GRIN2B: variants seen among roughly 807,000 people sequenced by gnomAD.
GRIN2B encodes the protein glutamate receptor ionotropic, NMDA 2B.
GRIN2B carries 5 observed loss-of-function variants against 114.5 expected under a neutral mutation model. The observed-to-expected ratio is 0.04, with a 90% confidence interval of 0.02 to 0.09. The LOEUF (loss-of-function observed/expected upper bound fraction) is 0.09, where lower values mean the gene tolerates loss of function less well. Ranked by LOEUF, GRIN2B falls within the 10% of genes least tolerant of loss-of-function variation. The pLI, the probability that GRIN2B is intolerant of heterozygous loss-of-function variation, is 1.00. For missense variants in GRIN2B, 1,108 were observed against 1,943.5 expected (o/e 0.57, Z 8.08); for synonymous variants, 787 against 745.1 (o/e 1.06, Z -0.92).
chr12:13,887,323 T>C (rs1866180121), intron 2 of GRIN2B, among the ~76,000 whole-genome samples: 1 of 152,234 alleles, frequency 6.6e-6, no homozygotes, highest in African/African-American at 2.4e-5. Context: ...ATTATAAATG[T>C]ACATGCAGCT....
chr12:13,941,966 G>C (rs1218769855), intron 2 of GRIN2B, among the ~76,000 whole-genome samples: 4 of 152,200 alleles, frequency 2.6e-5, no homozygotes, highest in Non-Finnish European at 1.5e-5. Flanking sequence ...AAAGGTCAAA[G>C]TCGGTACAAA....
chr12:13,972,743 A>G (rs1308773728), intron 2 of GRIN2B, among the ~76,000 whole-genome samples: 3 of 152,246 alleles, frequency 2.0e-5, no homozygotes, highest in African/African-American at 7.2e-5. Flanking sequence ...CGAGGAGGAC[A>G]CGTAACCTCC....
intron 3 of GRIN2B, among the ~76,000 whole-genome samples, chr12:13,838,275 C>T (rs897870385): frequency 3.9e-5 from 6 of 152,136 alleles, no homozygotes; most frequent in South Asian, 2.1e-4. Context: ...AAAGCACCTG[C>T]GTGGTCCATT....
rs373296514 is a variant in GRIN2B at position 13,609,021 on chromosome 12, A to C, written c.1781-189T>G. ...TTCCAGGGACTCTCAGGAGGGCTGCAGAGGGTTCCTTAGGAGAAAAACCAG... is the reference window on the plus strand; with the variant it reads ...TTCCAGGGACTCTCAGGAGGGCTGCCGAGGGTTCCTTAGGAGAAAAACCAG... On this transcript the variant is annotated intron_variant, in intron 9 of 13. Transcript: ENST00000609686. Among the ~76,000 whole-genome samples the C allele has an allele frequency of 1.2e-4, 19 of 152,288 alleles. 1 individual carries two copies. The East Asian group carries it at 3.5e-3, about 28-fold the overall frequency.
At chr12:13,891,952 A>T (rs1337014747) in intron 2 of GRIN2B, among the ~76,000 whole-genome samples, 2 of 152,206 alleles carry the variant, frequency 1.3e-5, no homozygotes, top group Non-Finnish European at 2.9e-5. Context: ...TTAGAAGCAT[A>T]CATCTAATAA....
intron 5 of GRIN2B, among the ~76,000 whole-genome samples, chr12:13,621,607 GTTTTTGTTTT>G (rs1949515394): frequency 3.6e-5 from 1 of 27,692 alleles, no homozygotes; most frequent in South Asian, 1.2e-3. Context: ...AAATTGCCTA[GTTTTTGTTTT>G]TTTTTTTTTT....
chr12:13,966,566 T>C (rs1157964748), intron 2 of GRIN2B, among the ~76,000 whole-genome samples: 2 of 152,204 alleles, frequency 1.3e-5, no homozygotes, highest in Admixed American at 6.5e-5. Context: ...TGTCTTTTCT[T>C]GCCAGATGTA....
At chr12:13,603,979 T>A (rs971261025) in intron 10 of GRIN2B, among the ~76,000 whole-genome samples, 2 of 152,146 alleles carry the variant, frequency 1.3e-5, no homozygotes, top group Non-Finnish European at 2.9e-5. Flanking sequence ...ACACAGAGCA[T>A]ACAAAATGTA....
intron 3 of GRIN2B, among the ~76,000 whole-genome samples, chr12:13,768,156 T>C (rs1176602010): frequency 3.3e-5 from 5 of 152,224 alleles, no homozygotes; most frequent in African/African-American, 1.2e-4. Context: ...CAACTCATCA[T>C]ATCCATCATG....
At chr12:13,616,948 T>C (rs1949451530) in intron 5 of GRIN2B, among the ~76,000 whole-genome samples, 1 of 152,240 alleles carries the variant, frequency 6.6e-6, no homozygotes, top group Non-Finnish European at 1.5e-5. Context: ...AGAAGCATCA[T>C]TCTATCCTTC....
At chr12:13,705,100 G>C (rs1368799496) in intron 4 of GRIN2B, among the ~76,000 whole-genome samples, 4 of 151,898 alleles carry the variant, frequency 2.6e-5, no homozygotes, top group Non-Finnish European at 5.9e-5. Flanking sequence ...ATGATTTGCT[G>C]TGCATACTCA....
chr12:13,884,613 G>T (rs1307984870), intron 2 of GRIN2B, among the ~76,000 whole-genome samples: 1 of 151,772 alleles, frequency 6.6e-6, no homozygotes, highest in African/African-American at 2.4e-5. Flanking sequence ...AATAACACTG[G>T]CTAGGACCTC....
intron 10 of GRIN2B, among the ~76,000 whole-genome samples, chr12:13,580,832 T>G (rs2136426249): frequency 6.6e-6 from 1 of 152,350 alleles, no homozygotes; most frequent in East Asian, 1.9e-4. Flanking sequence ...TCCTTTCAAG[T>G]CACACACTCC....
At chr12:13,880,370 G>A (rs1866052421) in intron 2 of GRIN2B, among the ~76,000 whole-genome samples, 1 of 152,232 alleles carries the variant, frequency 6.6e-6, no homozygotes, top group Admixed American at 6.5e-5. Context: ...AAGCTGAAAA[G>A]GCAAGCCAAG....
intron 2 of GRIN2B, among the ~76,000 whole-genome samples, chr12:13,959,769 CTTT>C (rs3082919): frequency 9.8e-5 from 13 of 132,418 alleles, no homozygotes; most frequent in Non-Finnish European, 1.4e-4. Context: ...TTTTCTTTTT[CTTT>C]TTTTTTTTTT....
chr12:13,694,905 T>A (rs1445294787), intron 4 of GRIN2B, among the ~76,000 whole-genome samples: 1 of 151,536 alleles, frequency 6.6e-6, no homozygotes, highest in African/African-American at 2.4e-5. Flanking sequence ...GATTACAAAG[T>A]TTTTTATGGC....
chr12:13,914,759 T>A (rs542929177), intron 2 of GRIN2B, among the ~76,000 whole-genome samples: 2 of 152,226 alleles, frequency 1.3e-5, no homozygotes, highest in Non-Finnish European at 2.9e-5. Context: ...TGAAGTCCTG[T>A]CATTTGCAGC....
chr12:13,876,718 G>T (rs1247084620), intron 2 of GRIN2B, among the ~76,000 whole-genome samples: 1 of 152,190 alleles, frequency 6.6e-6, no homozygotes, highest in East Asian at 1.9e-4. Context: ...CTGGAAAGGA[G>T]TATAGAAGTA....
chr12:13,774,541 G>A (rs1863967047), intron 3 of GRIN2B, among the ~76,000 whole-genome samples: 1 of 152,164 alleles, frequency 6.6e-6, no homozygotes, highest in Admixed American at 6.5e-5. Flanking sequence ...TATAGCAGAA[G>A]GGATTACTAT....
Sources: gnomAD v4.1 joint callset for allele counts (sites outside exome capture counted in the v4.1 genomes callset) on GRCh38, gnomAD v4.1.1 for gene constraint, MANE v1.5 for transcripts, NCBI Gene and HGNC (gene_info 2026-07-23, HGNC 2026-07-21) for gene names.